The following CORO2A variants were observed in gnomAD, a reference collection of about 807,000 sequenced individuals.
The protein encoded by CORO2A is coronin-2A.
A neutral mutation model predicts 62.4 loss-of-function variants in CORO2A; 47 were observed. The ratio of observed to expected loss-of-function variants is 0.75; its 90% CI spans 0.60 to 0.96. The LOEUF (loss-of-function observed/expected upper bound fraction) is 0.96, where lower values mean the gene tolerates loss of function less well. CORO2A is among the 40% of genes least tolerant of loss of function. The pLI is 0.00. For synonymous variants in CORO2A, 273 were observed against 268.9 expected, an observed-to-expected ratio of 1.02 and a Z score of -0.15; for missense variants, 610 against 684.1, an observed-to-expected ratio of 0.89 and a Z score of 1.21.
intron 3 of CORO2A, among the ~76,000 whole-genome samples, chr9:98,137,135 C>G (rs1408080988): frequency 6.6e-6 from 1 of 152,162 alleles, no homozygotes; most frequent in Non-Finnish European, 1.5e-5. Context: ...GAGACTGAAG[C>G]TGCTGGAATG....
intron 11 of CORO2A, among the ~76,000 whole-genome samples, chr9:98,126,318 G>A (rs1188630619): frequency 6.6e-6 from 1 of 152,110 alleles, no homozygotes; most frequent in East Asian, 1.9e-4. Flanking sequence ...ACAAGAGTGA[G>A]CCACTGTGCC....
chr9:98,160,952 A>C (rs1397620986), intron 1 of CORO2A, among the ~76,000 whole-genome samples: 1 of 152,218 alleles, frequency 6.6e-6, no homozygotes, highest in African/African-American at 2.4e-5. Flanking sequence ...AGGGATGAGA[A>C]GGGTGCATGT....
At chr9:98,182,545 T>C (rs889151261) in intron 1 of CORO2A, among the ~76,000 whole-genome samples, 2 of 152,214 alleles carry the variant, frequency 1.3e-5, no homozygotes, top group Non-Finnish European at 2.9e-5. Context: ...GTGGAGATTC[T>C]GTTCTTCCCA....
intron 1 of CORO2A, among the ~76,000 whole-genome samples, chr9:98,175,411 C>G (rs1224140784): frequency 1.3e-5 from 2 of 152,216 alleles, no homozygotes; most frequent in Non-Finnish European, 2.9e-5. Context: ...CTAATTAGCA[C>G]CAACTCCCAC....
rs1333008246 is a variant in CORO2A, at chr9:98,133,132, G to A, written c.554C>T (p.Ser185Phe). The change falls in exon 5 of 12, where the codon TCC (serine) becomes TTC (phenylalanine). Residue 185 changes from serine (S) to phenylalanine (F), a missense_variant. Transcript: ENST00000375077. ...GCTGCCGTTGGTGTTGAAGGACATGGAGAGGATCACATCTTGGTGACAGCT... is the reference window on the plus strand; with the variant it reads ...GCTGCCGTTGGTGTTGAAGGACATGAAGAGGATCACATCTTGGTGACAGCT... Reference protein sequence around the residue: ...TISCHQDVILSMSFNTNGSLL... With the variant: ...TISCHQDVILFMSFNTNGSLL... 1.2e-6 allele frequency: 2 copies of A among 1,614,254 alleles called. No homozygotes were observed. The highest frequency in any genetic ancestry group is 8.5e-7 in the Non-Finnish European group (1 of 1,180,042).
rs2231662 is a variant in CORO2A at position 98,132,170 on chromosome 9, G to A, written c.765+15C>T. 6,863 of 1,554,776 alleles carry A rather than the reference G, an allele frequency of 4.4e-3. 259 individuals are homozygous for A. The African/African-American group carries it at 0.079, about 18-fold the overall frequency. ...AGCTGAGGGGTGATGGTGAGGGGTG[G>A]GGTGCAGCCCTCACCTGGTCCCACA... On this transcript the variant is annotated intron_variant, in intron 6 of 11. Transcript: ENST00000375077.
intron 1 of CORO2A, among the ~76,000 whole-genome samples, chr9:98,184,442 G>C (rs1480235848): frequency 2.6e-5 from 4 of 152,098 alleles, no homozygotes; most frequent in Non-Finnish European, 5.9e-5. Context: ...CTGCATGCTA[G>C]GGAAAGATTC....
chr9:98,126,942 T>C (rs758558528), intron 10 of CORO2A, 119 bp from the exon 11 acceptor site: 2 of 1,143,242 alleles, frequency 1.7e-6, no homozygotes, highest in East Asian at 2.4e-5. Flanking sequence ...CCATGCAACA[T>C]GTGTGGGAAA....
chr9:98,180,087 C>CTA (rs1828158713), intron 1 of CORO2A, among the ~76,000 whole-genome samples: 1 of 152,166 alleles, frequency 6.6e-6, no homozygotes, highest in Non-Finnish European at 1.5e-5. Context: ...GCCTGCAATT[C>CTA]TAAACAACGT....
Position 98,126,584 on chromosome 9 carries a change from C to T in CORO2A, c.1411G>A (p.Val471Ile), listed in dbSNP as rs771489458. Residue 471 changes from valine (V) to isoleucine (I), a missense_variant, in exon 11 of 12, where the codon GTT (valine) becomes ATT (isoleucine). Physicochemically the swap from Val to Ile is conservative, Grantham distance 29. Coordinates refer to ENST00000375077, the MANE Select transcript of CORO2A (RefSeq NM_052820.4). ...GTCTTTGGTGGGGGGCATTCGAAAA[C>T]GTCAAAGCCATTTGTCAGCCAGGTT... ...KKTWLTNGFD[V>I]FECPPPKTEN... The T allele has an allele frequency of 2.5e-5, 41 of 1,613,958 alleles. No homozygotes were observed. The highest frequency in any genetic ancestry group is 2.0e-4 in the Admixed American group (12 of 59,970).
chr9:98,129,452 C>T (rs1434652612), intron 8 of CORO2A, among the ~76,000 whole-genome samples: 1 of 152,172 alleles, frequency 6.6e-6, no homozygotes, highest in Non-Finnish European at 1.5e-5. Context: ...GGACTGCTTC[C>T]TAGAGGCTCT....
Position 98,169,083 on chromosome 9 carries a change from G to A in CORO2A, c.1-11423C>T, listed in dbSNP as rs370561584. On this transcript the variant is annotated intron_variant, in intron 1 of 11. Coordinates refer to ENST00000375077, the MANE Select transcript of CORO2A (RefSeq NM_052820.4). ...CACAGCCCAGGCAGGGAAGCAGAGC[G>A]CAGCCATCCAGGGACCCTCCTTTGG... Among the ~76,000 whole-genome samples, 35 of 152,284 alleles carry A rather than the reference G, an allele frequency of 2.3e-4. No individual in the cohort carries two copies. The South Asian group carries it at 5.0e-3, about 22-fold the overall frequency.
chr9:98,128,083 A>C, intron 10 of CORO2A, 87 bp downstream of exon 10: 1 of 1,077,912 alleles, frequency 9.3e-7, no homozygotes, highest in Non-Finnish European at 1.4e-6. Context: ...AGAAAAATCC[A>C]GGCCCAACCC....
At chr9:98,139,518 T>A (rs537520613) in intron 2 of CORO2A, among the ~76,000 whole-genome samples, 36 of 152,264 alleles carry the variant, frequency 2.4e-4, no homozygotes, top group African/African-American at 8.4e-4. Flanking sequence ...TCCAAGCTAC[T>A]TGGGAGACTG....
intron 5 of CORO2A, among the ~76,000 whole-genome samples, chr9:98,132,701 G>T (rs542476909): frequency 2.4e-4 from 37 of 152,316 alleles, no homozygotes; most frequent in Admixed American, 2.1e-3. Flanking sequence ...CTTGCCCAAG[G>T]CTGCACAGTG....
chr9:98,133,219 T>G lies in CORO2A; in HGVS notation c.469-2A>C. 6.2e-7 allele frequency: 1 copy of G among 1,614,128 alleles called. No individual in the cohort carries two copies. Among genetic ancestry groups the G allele is most frequent in the Non-Finnish European group, 8.5e-7 (1 of 1,179,948 alleles). The stretch of plus-strand genomic sequence containing the variant: ...TGTATCCAGGTTCCAGATCATCACC[T>G]GCATGGCAGAGAGCCAGCTCTGAGC... On this transcript the variant is annotated splice_acceptor_variant, in intron 4 of 11. Coordinates refer to ENST00000375077, the MANE Select transcript of CORO2A (RefSeq NM_052820.4). LOFTEE classifies it high-confidence loss of function.
At chr9:98,128,782 A>T in intron 8 of CORO2A, 63 bp from the exon 9 acceptor site, 8 of 1,378,776 alleles carry the variant, frequency 5.8e-6, no homozygotes, top group Non-Finnish European at 7.2e-6. Context: ...GTTAGGGCCA[A>T]AGCCAGGCTG....
At chr9:98,174,131 A>G (rs1257967355) in intron 1 of CORO2A, among the ~76,000 whole-genome samples, 2 of 138,876 alleles carry the variant, frequency 1.4e-5, no homozygotes, top group Non-Finnish European at 3.0e-5. Context: ...CACCGCCAAA[A>G]CAAAAAACAA....
intron 1 of CORO2A, among the ~76,000 whole-genome samples, chr9:98,181,334 C>T (rs1033900701): frequency 8.0e-5 from 9 of 112,200 alleles, no homozygotes; most frequent in South Asian, 3.1e-4. Context: ...CTCTCTCTTG[C>T]TTTTTTTTTT....
Sources: gnomAD v4.1 joint callset for allele counts (sites outside exome capture counted in the v4.1 genomes callset) on GRCh38, gnomAD v4.1.1 for gene constraint, MANE v1.5 for transcripts, NCBI Gene and HGNC (gene_info 2026-07-23, HGNC 2026-07-21) for gene names.